Variants in RANBP2 observed in about 807,000 individuals in gnomAD.
RANBP2 encodes the protein RAN binding protein 2.
A neutral mutation model predicts 303.6 loss-of-function variants in RANBP2; 57 were observed. The observed-to-expected ratio is 0.19, with a 90% CI of 0.15 to 0.23. The LOEUF is 0.23. Ranked by LOEUF, RANBP2 falls within the 10% of genes least tolerant of loss-of-function variation. The pLI is 1.00. For missense variants in RANBP2, 3,138 were observed against 3,780.8 expected, an observed-to-expected ratio of 0.83 and a Z score of 4.46; for synonymous variants, 1,167 against 1,301.5, an observed-to-expected ratio of 0.90 and a Z score of 2.23.
At chr2:109,544,997 G>A in the RANBP2 span, 1 of 985,334 alleles carries the variant, frequency 1.0e-6, no homozygotes, top group South Asian at 4.7e-5. Context: ...AAGTCCTGTG[G>A]TTTACTTCTC....
chr2:108,726,380 C>G (rs1323665181), intron 1 of RANBP2, among the ~76,000 whole-genome samples: 1 of 150,910 alleles, frequency 6.6e-6, no homozygotes, highest in Admixed American at 6.6e-5. Context: ...GCTGGCAGTT[C>G]ACATATGCAG....
chr2:109,208,779 C>T, the RANBP2 span, among the ~76,000 whole-genome samples: 1 of 152,146 alleles, frequency 6.6e-6, no homozygotes, highest in Non-Finnish European at 1.5e-5. Context: ...GAATCTTGCC[C>T]TAGAAATACA....
At chr2:108,790,592 C>T (rs905756811), downstream of RANBP2, among the ~76,000 whole-genome samples, 3 of 152,146 alleles carry the variant, frequency 2.0e-5, no homozygotes, top group African/African-American at 7.2e-5. Context: ...GTCCCAGCTA[C>T]TCGGGAGGCT....
chr2:109,129,892 C>G, the RANBP2 span: 2 of 1,515,328 alleles, frequency 1.3e-6, no homozygotes, highest in Non-Finnish European at 1.8e-6. Context: ...GGTGCGACTG[C>G]TGGACGGCAT....
At chr2:109,485,767 C>G in the RANBP2 span, among the ~76,000 whole-genome samples, 3 of 152,276 alleles carry the variant, frequency 2.0e-5, no homozygotes, top group African/African-American at 7.2e-5. Context: ...CTGGATATAA[C>G]TCATAAGCTC....
At chr2:109,223,076 C>T in the RANBP2 span, among the ~76,000 whole-genome samples, 1,514 of 152,360 alleles carry the variant, frequency 9.9e-3, 24 homozygotes, top group African/African-American at 0.035. Flanking sequence ...GCTGGCACCA[C>T]GCCCTGATGC....
intron 28 of RANBP2, among the ~76,000 whole-genome samples, chr2:108,783,096 T>C (rs971194728): frequency 2.0e-5 from 3 of 152,036 alleles, no homozygotes; most frequent in African/African-American, 7.3e-5. Context: ...TCCAGCACTT[T>C]AGGAGGCCAA....
chr2:109,487,664 G>T, the RANBP2 span, among the ~76,000 whole-genome samples: 1 of 152,176 alleles, frequency 6.6e-6, no homozygotes, highest in Non-Finnish European at 1.5e-5. Context: ...GGGCAGTGAG[G>T]CAGCAGGGCC....
chr2:109,079,467 C>T, the RANBP2 span, among the ~76,000 whole-genome samples: 1 of 152,144 alleles, frequency 6.6e-6, no homozygotes, highest in Non-Finnish European at 1.5e-5. Context: ...CCCCTAACCC[C>T]TTCGTTGTTA....
At chr2:109,559,268 A>G in the RANBP2 span, among the ~76,000 whole-genome samples, 4 of 152,350 alleles carry the variant, frequency 2.6e-5, no homozygotes, top group Admixed American at 6.5e-5. Context: ...TTATCAAATC[A>G]TTTAATCACA....
the RANBP2 span, among the ~76,000 whole-genome samples, chr2:109,350,358 G>C: frequency 6.6e-6 from 1 of 152,190 alleles, no homozygotes; most frequent in African/African-American, 2.4e-5. Context: ...AGACAAGGGG[G>C]AAGTGTCATA....
At chr2:109,090,109 G>C in the RANBP2 span, among the ~76,000 whole-genome samples, 5 of 152,100 alleles carry the variant, frequency 3.3e-5, no homozygotes, top group Admixed American at 6.6e-5. Flanking sequence ...AGCGACAACA[G>C]AGACCACACA....
chr2:109,501,396 A>G, the RANBP2 span: 1 of 570,346 alleles, frequency 1.8e-6, no homozygotes, highest in African/African-American at 1.9e-5. Flanking sequence ...ATAAAGTGGG[A>G]AAATAGCAGC....
At chr2:109,149,358 C>T in the RANBP2 span, among the ~76,000 whole-genome samples, 8 of 152,326 alleles carry the variant, frequency 5.3e-5, no homozygotes, top group African/African-American at 1.9e-4. Context: ...AATCAAGAGT[C>T]AAGTGTCTGG....
chr2:109,579,528 C>T, the RANBP2 span, among the ~76,000 whole-genome samples: 2 of 151,774 alleles, frequency 1.3e-5, no homozygotes, highest in East Asian at 2.0e-4. Flanking sequence ...GGATTACAGG[C>T]GCCTGCCACC....
At chr2:109,617,933 C>G in the RANBP2 span, 4 of 162,180 alleles carry the variant, frequency 2.5e-5, no homozygotes, top group African/African-American at 9.8e-5. Flanking sequence ...GCATGAGAAT[C>G]ACTTAAACCT....
the RANBP2 span, among the ~76,000 whole-genome samples, chr2:109,241,644 C>T: frequency 6.6e-6 from 1 of 152,130 alleles, no homozygotes; most frequent in East Asian, 1.9e-4. Flanking sequence ...CTCTCTGTCT[C>T]CCCGCCTCGC....
the RANBP2 span, among the ~76,000 whole-genome samples, chr2:109,186,648 C>A: frequency 3.3e-5 from 5 of 152,068 alleles, no homozygotes; most frequent in African/African-American, 1.2e-4. Context: ...GGGATGGAGC[C>A]CCCTAGGAAG....
the RANBP2 span, chr2:109,615,333 A>G: frequency 3.1e-6 from 5 of 1,611,712 alleles, no homozygotes; most frequent in Middle Eastern, 3.3e-4. Flanking sequence ...CAAGTGGGAC[A>G]GCCTGGAGGG....
Sources: gnomAD v4.1 joint callset for allele counts (sites outside exome capture counted in the v4.1 genomes callset) on GRCh38, gnomAD v4.1.1 for gene constraint, MANE v1.5 for transcripts, NCBI Gene and HGNC (gene_info 2026-07-23, HGNC 2026-07-21) for gene names.